Variants in NARS2 observed in about 807,000 individuals in gnomAD.
NARS2 encodes asparaginyl-tRNA synthetase.
In NARS2, 60 loss-of-function variants were observed where a neutral mutation model predicts 62.9. The observed-to-expected ratio is 0.95, with a 90% CI of 0.77 to 1.18. NARS2 has a LOEUF of 1.18. Among genes scored for constraint, NARS2 ranks in the 50% most tolerant of loss-of-function variants. The pLI, the probability that NARS2 is intolerant of heterozygous loss-of-function variation, is 0.00. For missense variants in NARS2, 619 were observed against 576.4 expected (o/e 1.07, Z -0.76); for synonymous variants, 196 against 200.0 (o/e 0.98, Z 0.17).
At chr11:78,466,121 C>A in intron 10 of NARS2, 108 bp from the exon 11 acceptor site, 1 of 1,180,476 alleles carries the variant, frequency 8.5e-7, no homozygotes, top group Non-Finnish European at 1.2e-6. Flanking sequence ...CTTCCTGAGG[C>A]TCCATGTGTG....
At chr11:78,490,045 C>CA (rs1859750335) in intron 7 of NARS2, among the ~76,000 whole-genome samples, 1 of 151,956 alleles carries the variant, frequency 6.6e-6, no homozygotes, top group Admixed American at 6.6e-5. Flanking sequence ...CCTCAAAAAA[C>CA]AAAAAACCAG....
intron 11 of NARS2, among the ~76,000 whole-genome samples, chr11:78,445,522 G>A (rs1231524768): frequency 6.6e-6 from 1 of 152,214 alleles, no homozygotes; most frequent in East Asian, 1.9e-4. Context: ...TCTGGAGGCT[G>A]AGGCACGAAG....
intron 13 of NARS2, 22 bp from the exon 14 acceptor site, chr11:78,436,836 T>C: frequency 1.2e-6 from 2 of 1,609,218 alleles, no homozygotes; most frequent in Non-Finnish European, 8.5e-7. Context: ...AAATAGAAAA[T>C]CATCATCTAT....
chr11:78,535,024 T>A (rs1861621261), intron 5 of NARS2, among the ~76,000 whole-genome samples: 1 of 152,240 alleles, frequency 6.6e-6, no homozygotes, highest in Non-Finnish European at 1.5e-5. Flanking sequence ...GGGATATAAC[T>A]GAAAGCCTAA....
chr11:78,566,760 C>G (rs1183033652), intron 3 of NARS2, among the ~76,000 whole-genome samples: 1 of 152,188 alleles, frequency 6.6e-6, no homozygotes, highest in African/African-American at 2.4e-5. Context: ...CAACGTGCTA[C>G]TTCCATCTAG....
At chr11:78,447,206 G>C (rs1345316988) in intron 11 of NARS2, among the ~76,000 whole-genome samples, 3 of 151,566 alleles carry the variant, frequency 2.0e-5, no homozygotes, top group Non-Finnish European at 4.4e-5. Flanking sequence ...TTTAAATAGA[G>C]ATGGGGTCTT....
chr11:78,574,530 C>T lies in NARS2; in HGVS notation c.-42G>A. 1 of 1,552,412 alleles carries T rather than the reference C, an allele frequency of 6.4e-7. No homozygotes were observed. The highest frequency in any genetic ancestry group is 8.7e-7 in the Non-Finnish European group (1 of 1,152,084). On this transcript the variant is annotated 5_prime_UTR_variant, in exon 1 of 14. Coordinates refer to ENST00000281038, the MANE Select transcript of NARS2 (RefSeq NM_024678.6). Reference sequence around the variant, plus strand: ...CCCTCCGCGGGAGCAGCCCAGACCCCACGGTTCGAACCCCGCCTGCAGCGG... The same window carrying T: ...CCCTCCGCGGGAGCAGCCCAGACCCTACGGTTCGAACCCCGCCTGCAGCGG...
intron 6 of NARS2, among the ~76,000 whole-genome samples, chr11:78,504,509 A>C (rs892802484): frequency 1.1e-4 from 17 of 151,936 alleles, no homozygotes; most frequent in African/African-American, 4.1e-4. Flanking sequence ...AAAATAAATA[A>C]AACTAATGTG....
intron 5 of NARS2, among the ~76,000 whole-genome samples, chr11:78,557,738 T>G (rs1358178124): frequency 6.6e-6 from 1 of 150,840 alleles, no homozygotes; most frequent in African/African-American, 2.4e-5. Context: ...TTATTCACAC[T>G]TATCTGATAA....
At chr11:78,564,004 C>A (rs1856657037) in intron 4 of NARS2, among the ~76,000 whole-genome samples, 1 of 146,296 alleles carries the variant, frequency 6.8e-6, no homozygotes, top group Admixed American at 6.8e-5. Flanking sequence ...CGGGTTCAAG[C>A]AATTCTACCT....
Position 78,574,443 on chromosome 11 carries a change from AG to A in NARS2, c.45del (p.Ser16ProfsTer13). ...RCLLRSVRFCSSAPFPKHKPS... is the reference protein window; with the variant it reads ...RCLLRSVRFCXSAPFPKHKPS... Reference sequence around the variant, plus strand: ...GGTTTGTGCTTGGGGAAGGGGGCGGAGGAACAGAAGCGCACGGACCGCAGCA... The same window carrying A: ...GGTTTGTGCTTGGGGAAGGGGGCGGAGAACAGAAGCGCACGGACCGCAGCA... On this transcript the variant is annotated frameshift_variant, in exon 1 of 14. Coordinates refer to ENST00000281038, the MANE Select transcript of NARS2 (RefSeq NM_024678.6). LOFTEE classifies it high-confidence loss of function. 6.2e-7 allele frequency: 1 copy of A among 1,613,980 alleles called. No homozygotes were observed. Among genetic ancestry groups the A allele is most frequent in the Non-Finnish European group, 8.5e-7 (1 of 1,179,974 alleles).
At chr11:78,453,615 G>A (rs752853941) in intron 11 of NARS2, among the ~76,000 whole-genome samples, 10 of 152,164 alleles carry the variant, frequency 6.6e-5, no homozygotes, top group East Asian at 1.9e-4. Context: ...CAAATTGAAC[G>A]CCTCCTTATT....
At chr11:78,536,499 GC>G (rs1855350991) in intron 5 of NARS2, among the ~76,000 whole-genome samples, 1 of 151,936 alleles carries the variant, frequency 6.6e-6, no homozygotes. Flanking sequence ...ATAGGCCTAG[GC>G]TAATGTATTT....
chr11:78,530,454 A>G (rs1266133325), intron 5 of NARS2, among the ~76,000 whole-genome samples: 3 of 152,126 alleles, frequency 2.0e-5, no homozygotes, highest in East Asian at 1.9e-4. Context: ...ATAAAAAAAA[A>G]GTCTGGTCTT....
chr11:78,439,366 G>A (rs537555946), intron 13 of NARS2, among the ~76,000 whole-genome samples: 2 of 151,986 alleles, frequency 1.3e-5, no homozygotes, highest in South Asian at 4.2e-4. Context: ...TAAGGCTAGT[G>A]GTTTAGCTTT....
At chr11:78,532,818 C>A (rs1861528566) in intron 5 of NARS2, among the ~76,000 whole-genome samples, 1 of 152,136 alleles carries the variant, frequency 6.6e-6, no homozygotes, top group Admixed American at 6.6e-5. Context: ...ATATATCTTT[C>A]CTGAAAAAGA....
chr11:78,527,355 G>A (rs1462926666), intron 6 of NARS2, among the ~76,000 whole-genome samples: 2 of 151,862 alleles, frequency 1.3e-5, no homozygotes, highest in Admixed American at 6.6e-5. Flanking sequence ...TTATAATTCC[G>A]TAGGCATAAG....
rs1857662484 is a variant in NARS2 at position 78,443,942 on chromosome 11, G to A, written c.1165-184C>T. ...TCTTGCACCATTTGTGTAGTATACT[G>A]AACACAAATGTATTTTCTTCATAAA... On this transcript the variant is annotated intron_variant, in intron 11 of 13. Coordinates refer to ENST00000281038, the MANE Select transcript of NARS2 (RefSeq NM_024678.6). 1.8e-5 allele frequency: 7 copies of A among 398,044 alleles called. No individual in the cohort carries two copies. In the South Asian group the frequency reaches 2.3e-4, roughly 13 times the overall value. 24.7% of individuals were successfully genotyped at this position (398,044 alleles called of 1,614,324 possible).
At chr11:78,529,041 T>C (rs985395135) in intron 5 of NARS2, 105 bp from the exon 6 acceptor site, 2 of 740,076 alleles carry the variant, frequency 2.7e-6, no homozygotes, top group Non-Finnish European at 2.3e-6. Context: ...ATTAAATCTA[T>C]GTGAAGGCAG....
Sources: allele counts gnomAD v4.1 joint callset (sites outside exome capture counted in the v4.1 genomes callset), GRCh38; gene constraint gnomAD v4.1.1; transcripts MANE v1.5; gene names NCBI Gene and HGNC (gene_info 2026-07-23, HGNC 2026-07-21).